CHAC2: variants seen among roughly 807,000 people sequenced by gnomAD.
CHAC2 encodes the protein glutathione-specific gamma-glutamylcyclotransferase 2.
CHAC2 carries 20 observed loss-of-function variants against 16.9 expected under a neutral mutation model. That is an observed-to-expected ratio of 1.18 (90% CI 0.83 to 1.72). CHAC2 has a LOEUF of 1.72. CHAC2 is among the 40% of genes most tolerant of loss of function. CHAC2 has a pLI of 0.00. For missense variants in CHAC2, 269 were observed against 222.2 expected (o/e 1.21, Z -1.34); for synonymous variants, 91 against 77.3 (o/e 1.18, Z -0.93).
Position 53,768,310 on chromosome 2 carries a change from G to A in CHAC2, c.135+289G>A, listed in dbSNP as rs938414985. On this transcript the variant is annotated intron_variant, in intron 1 of 2. Transcript: ENST00000295304. ...GCACCAGGCTGAGTGCGGAGATGGGGACTCCATCTCTCTGCAACCTCTGCC... is the reference window on the plus strand; with the variant it reads ...GCACCAGGCTGAGTGCGGAGATGGGAACTCCATCTCTCTGCAACCTCTGCC... 14 of 350,900 alleles carry A rather than the reference G, an allele frequency of 4.0e-5. 1 individual carries two copies. In the South Asian group the frequency reaches 5.8e-4, roughly 15 times the overall value. 21.7% of individuals were successfully genotyped at this position (350,900 alleles called of 1,614,324 possible).
At chr2:53,772,272 T>A (rs1277766528) in intron 2 of CHAC2, among the ~76,000 whole-genome samples, 1 of 152,122 alleles carries the variant, frequency 6.6e-6, no homozygotes, top group African/African-American at 2.4e-5. Flanking sequence ...CCTCCCGGGT[T>A]CACGCCATTC....
intron 1 of CHAC2, 188 bp downstream of exon 1, chr2:53,768,209 C>A: frequency 1.6e-6 from 1 of 637,966 alleles, no homozygotes; most frequent in Non-Finnish European, 2.5e-6. Context: ...CCCGGGCACT[C>A]CTTCCGAAGC....
chr2:53,769,737 A>C (rs552855878), intron 1 of CHAC2, among the ~76,000 whole-genome samples: 70 of 152,228 alleles, frequency 4.6e-4, no homozygotes, highest in South Asian at 2.5e-3. Context: ...AGTCCCAGCT[A>C]CTCTGGAGGC....
Position 53,772,466 on chromosome 2 carries a change from G to A in CHAC2, c.171+524G>A, listed in dbSNP as rs577267929. On this transcript the variant is annotated intron_variant, in intron 2 of 2. Transcript: ENST00000295304. ...TGGGATTACAGGCATGAGCCACCGC[G>A]CCCAGCCGTGGGATTTTTTTAAAAA... Among the ~76,000 whole-genome samples, 10 of 151,968 alleles carry A rather than the reference G, an allele frequency of 6.6e-5. No individual in the cohort carries two copies. The East Asian group carries it at 1.2e-3, about 18-fold the overall frequency.
At chr2:53,773,423 T>C (rs1194102756) in intron 2 of CHAC2, among the ~76,000 whole-genome samples, 2 of 151,666 alleles carry the variant, frequency 1.3e-5, no homozygotes, top group South Asian at 2.1e-4. Context: ...AAAAACTGTA[T>C]TGACTTTTAT....
Position 53,774,589 on chromosome 2 carries a change from A to G in CHAC2, c.*64A>G. On this transcript the variant is annotated 3_prime_UTR_variant, in exon 3 of 3. Coordinates refer to ENST00000295304, the MANE Select transcript of CHAC2 (RefSeq NM_001008708.4). ...ATATGATTTGGAAATACGTTTACTT[A>G]AAGATCTTATTTTTAATGTAGTGAG... 8.1e-7 allele frequency: 1 copy of G among 1,229,142 alleles called. No individual in the cohort carries two copies. The highest frequency in any genetic ancestry group is 2.3e-4 in the Middle Eastern group (1 of 4,268). The allele number at this position is 1,229,142 out of a possible 1,614,324, so 76.1% of individuals were successfully genotyped here.
chr2:53,768,639 T>C (rs1272397981), intron 1 of CHAC2, among the ~76,000 whole-genome samples: 1 of 152,230 alleles, frequency 6.6e-6, no homozygotes, highest in Non-Finnish European at 1.5e-5. Flanking sequence ...TCTGGTTATA[T>C]GAATAACATA....
intron 1 of CHAC2, among the ~76,000 whole-genome samples, chr2:53,769,772 G>T (rs970568586): frequency 6.6e-6 from 1 of 152,154 alleles, no homozygotes; most frequent in Non-Finnish European, 1.5e-5. Context: ...CGCTTGGGAG[G>T]CAGACGTTGC....
intron 2 of CHAC2, 88 bp downstream of exon 2, chr2:53,772,030 G>C (rs1673956113): frequency 2.5e-6 from 2 of 804,518 alleles, no homozygotes; most frequent in East Asian, 2.8e-5. Flanking sequence ...AATCATCACA[G>C]ACAATTTGAA....
intron 1 of CHAC2, among the ~76,000 whole-genome samples, chr2:53,771,012 A>G (rs1056200524): frequency 3.3e-5 from 5 of 152,216 alleles, no homozygotes; most frequent in African/African-American, 1.2e-4. Flanking sequence ...TTCTTAAAGT[A>G]TGAGCCCCAG....
chr2:53,774,253 T>C lies in CHAC2; in HGVS notation c.283T>C (p.Tyr95His). The change falls in exon 3 of 3, where the codon TAT (tyrosine) becomes CAT (histidine). Residue 95 changes from tyrosine (Y) to histidine (H), a missense_variant. By Grantham distance (83) the Tyr-to-His change is moderately conservative. Transcript: ENST00000295304. ...GGYRTTTVIF[Y>H]PKDPTTKPFS... ...CTACAGAACCACAACAGTCATTTTT[T>C]ATCCAAAAGATCCCACAACAAAACC... 10 of 1,614,198 alleles carry C rather than the reference T, an allele frequency of 6.2e-6. No homozygotes were observed. The highest frequency in any genetic ancestry group is 8.5e-6 in the Non-Finnish European group (10 of 1,180,026).
intron 1 of CHAC2, among the ~76,000 whole-genome samples, chr2:53,770,153 A>T (rs549308338): frequency 1.3e-5 from 2 of 152,340 alleles, no homozygotes; most frequent in African/African-American, 4.8e-5. Context: ...AAAACAAGTC[A>T]GAAATCTAAA....
chr2:53,772,378 G>T (rs1332795440), intron 2 of CHAC2, among the ~76,000 whole-genome samples: 2 of 152,084 alleles, frequency 1.3e-5, no homozygotes, highest in East Asian at 1.9e-4. Flanking sequence ...GTTTCACCGT[G>T]TTAGCCAGGA....
In CHAC2 at chr2:53,768,017, G is replaced by C. The variant is rs545896658; in HGVS notation, c.131G>C (p.Gly44Ala). The stretch of plus-strand genomic sequence containing the variant: ...AGCACGGACCACCGCGGGGTCCCCG[G>C]CAAGGTGAGGCGCCGGTCAGCTCCC... Reference protein sequence around the residue: ...QGSTDHRGVPGKPGRVVTLVE... With the variant: ...QGSTDHRGVPAKPGRVVTLVE... Residue 44 changes from glycine to alanine, a missense_variant, in exon 1 of 3, where the codon GGC (glycine) becomes GCC (alanine). By Grantham distance (60) the Gly-to-Ala change is moderately conservative (BLOSUM62 0). Coordinates refer to ENST00000295304, the MANE Select transcript of CHAC2 (RefSeq NM_001008708.4). The C allele has an allele frequency of 5.6e-6, 9 of 1,613,228 alleles. No homozygotes were observed. In the African/African-American group the frequency reaches 1.2e-4, roughly 21 times the overall value.
intron 2 of CHAC2, 128 bp downstream of exon 2, chr2:53,772,070 T>C: frequency 1.7e-6 from 1 of 603,402 alleles, no homozygotes; most frequent in South Asian, 2.5e-5. Context: ...CTTCTCTGTA[T>C]TTGTGGGTTT....
In CHAC2 at chr2:53,767,814, C is replaced by T; in HGVS notation, c.-73C>T. 6.5e-7 allele frequency: 1 copy of T among 1,531,470 alleles called. No individual in the cohort carries two copies. The highest frequency in any genetic ancestry group is 2.0e-5 in the Admixed American group (1 of 49,602). The allele number at this position is 1,531,470 out of a possible 1,614,324, so 94.9% of individuals were successfully genotyped here. On this transcript the variant is annotated 5_prime_UTR_variant, in exon 1 of 3. Coordinates refer to ENST00000295304, the MANE Select transcript of CHAC2 (RefSeq NM_001008708.4). ...CCCGCGCGGCCGGTTACTCGCTTAC[C>T]GGAGGCTTCAGTCCCCGGCGGCGCG...
chr2:53,773,919 C>T (rs1674137343), intron 2 of CHAC2, among the ~76,000 whole-genome samples: 1 of 151,976 alleles, frequency 6.6e-6, no homozygotes, highest in Admixed American at 6.6e-5. Flanking sequence ...CCTGTAATCC[C>T]AGTCACTTGA....
intron 2 of CHAC2, among the ~76,000 whole-genome samples, chr2:53,773,164 A>G (rs927106821): frequency 2.6e-5 from 4 of 152,216 alleles, no homozygotes; most frequent in Non-Finnish European, 5.9e-5. Flanking sequence ...TTGGTAACTT[A>G]TAACTCCTAA....
intron 1 of CHAC2, among the ~76,000 whole-genome samples, chr2:53,768,456 T>C (rs2104119612): frequency 6.6e-6 from 1 of 152,408 alleles, no homozygotes; most frequent in Admixed American, 6.5e-5. Context: ...TTCTGCATTC[T>C]AGCCGACTTT....
Sources: allele counts gnomAD v4.1 joint callset (sites outside exome capture counted in the v4.1 genomes callset), GRCh38; gene constraint gnomAD v4.1.1; transcripts MANE v1.5; gene names NCBI Gene and HGNC (gene_info 2026-07-23, HGNC 2026-07-21).